OCLN: variants seen among roughly 807,000 people sequenced by gnomAD.
OCLN encodes the protein occludin.
OCLN carries 21 observed loss-of-function variants against 47.9 expected under a neutral mutation model. The ratio of observed to expected loss-of-function variants is 0.44; its 90% CI spans 0.31 to 0.63. The LOEUF (loss-of-function observed/expected upper bound fraction) is 0.63, where lower values mean the gene tolerates loss of function less well. OCLN is among the 30% of genes least tolerant of loss of function. The probability of loss-of-function intolerance (pLI) is 0.08; values close to 1 mark genes in which losing one functional copy is unlikely to be tolerated. For missense variants in OCLN, 360 were observed against 571.0 expected (o/e 0.63, Z 3.77); for synonymous variants, 117 against 198.4 (o/e 0.59, Z 3.45).
chr5:69,513,526 G>C (rs531136061), intron 3 of OCLN, among the ~76,000 whole-genome samples: 1 of 152,316 alleles, frequency 6.6e-6, no homozygotes, highest in Non-Finnish European at 1.5e-5. Context: ...TTTCAAAGCT[G>C]TGAATACTTT....
At chr5:69,505,607 C>T (rs1033064676) in intron 2 of OCLN, among the ~76,000 whole-genome samples, 2 of 152,114 alleles carry the variant, frequency 1.3e-5, no homozygotes, top group African/African-American at 4.8e-5. Context: ...AAGAGTGATT[C>T]CTGCCATGAT....
chr5:69,526,086 G>A (rs1252696567), intron 4 of OCLN, among the ~76,000 whole-genome samples: 2 of 152,090 alleles, frequency 1.3e-5, no homozygotes, highest in South Asian at 2.1e-4. Flanking sequence ...TTGTGTCTAC[G>A]TCAGTAGTTC....
intron 4 of OCLN, among the ~76,000 whole-genome samples, chr5:69,517,131 GA>G (rs1414975772): frequency 5.3e-5 from 8 of 152,026 alleles, no homozygotes; most frequent in African/African-American, 1.7e-4. Context: ...GGTCCTGTTA[GA>G]AGCTACCTCA....
chr5:69,536,454 T>G (rs1393700255), intron 5 of OCLN, among the ~76,000 whole-genome samples: 13 of 131,932 alleles, frequency 9.9e-5, no homozygotes, highest in Non-Finnish European at 2.1e-4. Flanking sequence ...ACGGATCACC[T>G]GAGGTCAGGA....
intron 4 of OCLN, among the ~76,000 whole-genome samples, chr5:69,515,817 C>T (rs1189167169): frequency 1.3e-5 from 2 of 151,014 alleles, no homozygotes; most frequent in South Asian, 4.2e-4. Context: ...ACCTCCCAGA[C>T]GGGGTCGCGG....
At chr5:69,504,384 A>C (rs1280044655) in intron 2 of OCLN, 90 bp downstream of exon 2, 2 of 828,414 alleles carry the variant, frequency 2.4e-6, no homozygotes, top group Non-Finnish European at 4.1e-6. Context: ...GTTTGCTTTT[A>C]AAAATAAAAC....
chr5:69,493,289 G>A lies in OCLN; in HGVS notation c.-69+389G>A, dbSNP rs756964323. ...TGGGGGGGCGGCCTTCATGGAGAGG[G>A]ATCCTGCGCCCAGCTCCTTGGGGGT... On this transcript the variant is annotated intron_variant, in intron 1 of 8. Coordinates refer to ENST00000396442, the MANE Select transcript of OCLN (RefSeq NM_001205254.2). This position sits in a 1 kb window ranked among gnomAD's most constrained non-coding sequence, Gnocchi z 5.3. 6.6e-6 allele frequency among the ~76,000 whole-genome samples: 1 copy of A among 152,146 alleles called. No homozygotes were observed. Among genetic ancestry groups the A allele is most frequent in the Non-Finnish European group, 1.5e-5 (1 of 68,024 alleles).
At chr5:69,517,310 A>ATG (rs773180433) in intron 4 of OCLN, among the ~76,000 whole-genome samples, 14,821 of 112,764 alleles carry the variant, frequency 0.13, 836 homozygotes, top group Middle Eastern at 0.18. Context: ...ATATATATAT[A>ATG]TATATTTTTT....
Position 69,523,737 on chromosome 5 carries a change from C to T in OCLN, c.891+9628C>T, listed in dbSNP as rs551088832. ...TTTTAGTAGACATGGGGTTTTGCCACGTTGGCCAGGCTGGTCTCAAACTCC... is the reference window on the plus strand; with the variant it reads ...TTTTAGTAGACATGGGGTTTTGCCATGTTGGCCAGGCTGGTCTCAAACTCC... On this transcript the variant is annotated intron_variant, in intron 4 of 8. Transcript: ENST00000396442. 7.2e-5 allele frequency among the ~76,000 whole-genome samples: 11 copies of T among 152,022 alleles called. No homozygotes were observed. In the South Asian group the frequency reaches 1.9e-3, roughly 26 times the overall value.
intron 4 of OCLN, among the ~76,000 whole-genome samples, chr5:69,526,288 A>G (rs1769278077): frequency 6.6e-6 from 1 of 152,190 alleles, no homozygotes; most frequent in Admixed American, 6.5e-5. Flanking sequence ...TTAAACTGTA[A>G]GCAAGTTATC....
intron 5 of OCLN, 90 bp downstream of exon 5, chr5:69,534,929 A>G: frequency 6.7e-7 from 1 of 1,485,316 alleles, no homozygotes; most frequent in Non-Finnish European, 9.2e-7. Context: ...CTTAAAAAAA[A>G]TATCCAGCAG....
rs373178468 is a variant in OCLN, at chr5:69,555,236, AGTGTGTGTGT to A, written c.*1580_*1589del. On this transcript the variant is annotated 3_prime_UTR_variant, in exon 9 of 9. Transcript: ENST00000396442. ...GGCGTGAGCCACCATGCCTGGCCTAAGTGTGTGTGTGTGTGTGTGTGTGTATTTTTTTTTT... is the reference window on the plus strand; with the variant it reads ...GGCGTGAGCCACCATGCCTGGCCTAAGTGTGTGTGTGTGTATTTTTTTTTT... 2.0e-5 allele frequency: 2 copies of A among 100,526 alleles called. No individual in the cohort carries two copies. The highest frequency in any genetic ancestry group is 4.0e-5 in the Non-Finnish European group (2 of 50,290). 6.2% of individuals were successfully genotyped at this position (100,526 alleles called of 1,614,324 possible).
intron 6 of OCLN, 31 bp from the exon 7 acceptor site, chr5:69,547,899 A>C: frequency 1.8e-6 from 1 of 570,480 alleles, no homozygotes; most frequent in Non-Finnish European, 3.2e-6. Flanking sequence ...CTAAGGATAC[A>C]TATGTAGTCA....
At chr5:69,523,005 G>A (rs1769183632) in intron 4 of OCLN, among the ~76,000 whole-genome samples, 2 of 150,680 alleles carry the variant, frequency 1.3e-5, no homozygotes, top group Admixed American at 1.3e-4. Context: ...TGGGATTACA[G>A]GTGTGAGCCA....
At chr5:69,509,937 T>G in intron 3 of OCLN, 118 bp downstream of exon 3, 1 of 804,806 alleles carries the variant, frequency 1.2e-6, no homozygotes, top group South Asian at 1.4e-5. Context: ...GCTCCACTTC[T>G]AATTAAATCT....
chr5:69,525,792 C>T (rs773370757), intron 4 of OCLN, among the ~76,000 whole-genome samples: 24 of 152,124 alleles, frequency 1.6e-4, no homozygotes, highest in Non-Finnish European at 3.4e-4. Flanking sequence ...AAAGTGCCTT[C>T]TCTCCTTTAG....
At chr5:69,515,781 G>A (rs1013881239) in intron 4 of OCLN, among the ~76,000 whole-genome samples, 11 of 149,788 alleles carry the variant, frequency 7.3e-5, no homozygotes, top group African/African-American at 2.5e-4. Context: ...CTTCTCAGAC[G>A]GGGCGGCTGG....
At chr5:69,532,902 A>G (rs979468502) in intron 4 of OCLN, among the ~76,000 whole-genome samples, 2 of 151,522 alleles carry the variant, frequency 1.3e-5, no homozygotes, top group African/African-American at 4.9e-5. Context: ...CAGGAGGCGG[A>G]GGTTACAGTG....
At position 69,549,961 on chromosome 5, in the gene OCLN, G is replaced by A. The variant is rs189969208; in HGVS notation, c.1426-1583G>A. On this transcript the variant is annotated intron_variant, in intron 7 of 8. Transcript: ENST00000396442. ...AAACTTCCTTGCACTGCTTATTTCT[G>A]GCTTTTCTTAACAGCAAGTTTTTTT... Among the ~76,000 whole-genome samples the A allele has an allele frequency of 2.6e-3, 379 of 148,546 alleles. 9 individuals are homozygous for A. Among genetic ancestry groups the A allele is most frequent in the Admixed American group, 3.8e-3 (56 of 14,852 alleles).
Sources: allele counts gnomAD v4.1 joint callset (sites outside exome capture counted in the v4.1 genomes callset), GRCh38; gene constraint gnomAD v4.1.1; non-coding constraint Gnocchi (gnomAD v3.1); transcripts MANE v1.5; gene names NCBI Gene and HGNC (gene_info 2026-07-23, HGNC 2026-07-21).